PCLO: variants seen among roughly 807,000 people sequenced by gnomAD.
PCLO encodes the protein piccolo presynaptic cytomatrix protein.
A neutral mutation model predicts 427.5 loss-of-function variants in PCLO; 82 were observed. The observed-to-expected ratio is 0.19, with a 90% CI of 0.16 to 0.23. PCLO has a LOEUF of 0.23. Ranked by LOEUF, PCLO falls within the 10% of genes least tolerant of loss-of-function variation. The probability of loss-of-function intolerance (pLI) is 1.00; values close to 1 mark genes in which losing one functional copy is unlikely to be tolerated. For synonymous variants in PCLO, 2,357 were observed against 2,155.4 expected (o/e 1.09, Z -2.59); for missense variants, 6,239 against 6,115.9 (o/e 1.02, Z -0.67).
chr7:83,136,863 T>C (rs930060397), intron 2 of PCLO, among the ~76,000 whole-genome samples: 1 of 152,182 alleles, frequency 6.6e-6, no homozygotes, highest in African/African-American at 2.4e-5. Flanking sequence ...TTTGATACCA[T>C]ATTTTACAAG....
intron 9 of PCLO, among the ~76,000 whole-genome samples, chr7:82,901,799 T>C (rs139571399): frequency 0.013 from 2,013 of 152,190 alleles, 28 homozygotes; most frequent in Non-Finnish European, 0.02. Flanking sequence ...ACAAGACATT[T>C]ATGCAGACAA....
chr7:83,125,898 A>T lies in PCLO; in HGVS notation c.3300+8352T>A, dbSNP rs527445553. Among the ~76,000 whole-genome samples the T allele has an allele frequency of 5.4e-4, 72 of 133,324 alleles. No homozygotes were observed. The South Asian group carries it at 9.0e-3, about 17-fold the overall frequency. The allele number at this position is 133,324 out of a possible 152,430, so 87.5% of individuals were successfully genotyped here. A position where few individuals can be genotyped will look rare whatever the true frequency, so the allele number is the denominator to read the frequency against. On this transcript the variant is annotated intron_variant, in intron 3 of 24. Transcript: ENST00000333891. ...ATGATCAATAAATACTAAAAAAATTAAAAAAAAATAAAAGACATATATGCA... is the reference window on the plus strand; with the variant it reads ...ATGATCAATAAATACTAAAAAAATTTAAAAAAAATAAAAGACATATATGCA...
At chr7:82,978,857 AACACACACACAC>A (rs66871387) in intron 3 of PCLO, among the ~76,000 whole-genome samples, 20 of 138,680 alleles carry the variant, frequency 1.4e-4, no homozygotes, top group East Asian at 8.2e-4. Context: ...CACACACACA[AACACACACACAC>A]ACACACACAC....
At chr7:82,976,723 A>C (rs1409071723) in intron 3 of PCLO, among the ~76,000 whole-genome samples, 3 of 152,206 alleles carry the variant, frequency 2.0e-5, no homozygotes, top group Non-Finnish European at 4.4e-5. Context: ...TTCTAAAAAA[A>C]AAATATGGTG....
chr7:82,839,208 CAT>C (rs1792305540), intron 14 of PCLO, among the ~76,000 whole-genome samples: 1 of 151,860 alleles, frequency 6.6e-6, no homozygotes, highest in Non-Finnish European at 1.5e-5. Context: ...AGGGCAAATC[CAT>C]ATAGAAAGAT....
Position 82,915,364 on chromosome 7 carries a change from C to G in PCLO, c.12622G>C (p.Glu4208Gln). ...PKMSKFSPIQ[E>Q]SRDLEPDYSS... is the part of the protein sequence containing the mutation. ...TAATCAGGTTCAAGGTCTCTACTTT[C>G]TTGAATAGGTGAAAATTTTGACATT... Residue 4208 changes from glutamate to glutamine, a missense_variant, in exon 7 of 25, where the codon GAA becomes CAA. Transcript: ENST00000333891. 1 of 1,613,420 alleles carries G rather than the reference C, an allele frequency of 6.2e-7. No homozygotes were observed.
chr7:83,118,230 T>A (rs1366265277), intron 3 of PCLO, among the ~76,000 whole-genome samples: 1 of 152,104 alleles, frequency 6.6e-6, no homozygotes, highest in East Asian at 1.9e-4. Flanking sequence ...GTTATTTTTA[T>A]AACATAAATG....
At chr7:83,039,102 T>G (rs1788905694) in intron 3 of PCLO, among the ~76,000 whole-genome samples, 1 of 152,088 alleles carries the variant, frequency 6.6e-6, no homozygotes. Context: ...AGCATTCTAA[T>G]AGTTAATATA....
intron 3 of PCLO, among the ~76,000 whole-genome samples, chr7:83,054,353 A>G (rs904591889): frequency 7.2e-5 from 11 of 152,030 alleles, no homozygotes; most frequent in Non-Finnish European, 1.5e-4. Context: ...CAGCCCTGAA[A>G]GATAAATAGT....
intron 6 of PCLO, among the ~76,000 whole-genome samples, chr7:82,938,991 T>C (rs1276024445): frequency 6.6e-6 from 1 of 152,016 alleles, no homozygotes; most frequent in Admixed American, 6.6e-5. Context: ...TAGTAAAATG[T>C]ATATTCCCCT....
chr7:82,955,618 A>G lies in PCLO; in HGVS notation c.5335T>C (p.Leu1779=), dbSNP rs1161831748. The change falls in exon 5 of 25, where the codon TTG becomes CTG. Residue 1779 remains leucine, a synonymous_variant. Transcript: ENST00000333891. ...TIEDSSEEEE[L]REEEELLKEQ... is the part of the protein sequence containing the mutation. ...TTTAATAATTCTTCTTCCTCTCTCA[A>G]TTCTTCTTCCTCTGAAGAATCTTCA... 2 of 1,613,592 alleles carry G rather than the reference A, an allele frequency of 1.2e-6. No homozygotes were observed. Among genetic ancestry groups the G allele is most frequent in the Non-Finnish European group, 1.7e-6 (2 of 1,179,806 alleles).
chr7:82,944,028 T>G (rs1352743913), intron 6 of PCLO, among the ~76,000 whole-genome samples: 2 of 147,690 alleles, frequency 1.4e-5, no homozygotes, highest in Admixed American at 1.4e-4. Context: ...GCACCTGTAA[T>G]CCCAGCTACT....
At chr7:82,879,198 T>C in intron 10 of PCLO, 139 bp downstream of exon 10, 1 of 573,318 alleles carries the variant, frequency 1.7e-6, no homozygotes, top group Non-Finnish European at 2.9e-6. Flanking sequence ...TTCATATTAC[T>C]ATACCAAAAT....
intron 4 of PCLO, among the ~76,000 whole-genome samples, chr7:82,962,631 A>G (rs1188650408): frequency 3.3e-5 from 5 of 152,002 alleles, no homozygotes; most frequent in Non-Finnish European, 4.4e-5. Flanking sequence ...AAATGTACCA[A>G]TGAAGACATA....
chr7:83,096,831 ATATAT>A (rs1435359577), intron 3 of PCLO, among the ~76,000 whole-genome samples: 2 of 36,562 alleles, frequency 5.5e-5, no homozygotes, highest in African/African-American at 2.4e-4. Flanking sequence ...ATATATAAAA[ATATAT>A]TATATAATAT....
At chr7:82,911,175 G>T (rs1347741421) in intron 7 of PCLO, among the ~76,000 whole-genome samples, 1 of 151,954 alleles carries the variant, frequency 6.6e-6, no homozygotes, top group African/African-American at 2.4e-5. Flanking sequence ...TTTTGATTTT[G>T]TTATTTTTTA....
At chr7:83,109,400 C>T (rs1415996801) in intron 3 of PCLO, among the ~76,000 whole-genome samples, 2 of 152,146 alleles carry the variant, frequency 1.3e-5, no homozygotes, top group African/African-American at 4.8e-5. Context: ...TGCCACTTTT[C>T]AACCACTGTT....
At chr7:82,909,573 A>C (rs529221899) in intron 7 of PCLO, among the ~76,000 whole-genome samples, 3 of 152,132 alleles carry the variant, frequency 2.0e-5, no homozygotes, top group Non-Finnish European at 4.4e-5. Context: ...TGTGTATGGA[A>C]GTTTCTGTCA....
At chr7:83,144,689 T>A (rs892179426) in intron 2 of PCLO, among the ~76,000 whole-genome samples, 1 of 152,204 alleles carries the variant, frequency 6.6e-6, no homozygotes, top group Non-Finnish European at 1.5e-5. Context: ...TTTTTCATTG[T>A]CATTTATTTC....
Sources: allele counts gnomAD v4.1 joint callset (sites outside exome capture counted in the v4.1 genomes callset), GRCh38; gene constraint gnomAD v4.1.1; transcripts MANE v1.5; gene names NCBI Gene and HGNC (gene_info 2026-07-23, HGNC 2026-07-21).